RANBP2: variants seen among roughly 807,000 people sequenced by gnomAD.
The protein encoded by RANBP2 is RAN binding protein 2.
Under a neutral mutation model 303.6 loss-of-function variants are expected in RANBP2, and 57 were observed. The ratio of observed to expected loss-of-function variants is 0.19; its 90% CI spans 0.15 to 0.23. The LOEUF is 0.23. Among genes scored for constraint, RANBP2 ranks in the 10% least tolerant of loss-of-function variants. The pLI, the probability that RANBP2 is intolerant of heterozygous loss-of-function variation, is 1.00. For synonymous variants in RANBP2, 1,167 were observed against 1,301.5 expected (o/e 0.90, Z 2.23); for missense variants, 3,138 against 3,780.8 (o/e 0.83, Z 4.46).
the RANBP2 span, among the ~76,000 whole-genome samples, chr2:109,063,097 C>T: frequency 6.6e-6 from 1 of 152,204 alleles, no homozygotes; most frequent in East Asian, 1.9e-4. Flanking sequence ...CACCACCATG[C>T]CAACCTGAGA....
intron 7 of RANBP2, among the ~76,000 whole-genome samples, chr2:108,744,973 T>C (rs572362175): frequency 1.8e-3 from 269 of 152,226 alleles, no homozygotes; most frequent in African/African-American, 6.3e-3. Context: ...ATTAACTGTA[T>C]CTTGGAGATG....
chr2:108,726,819 G>A (rs1208859048), intron 1 of RANBP2, among the ~76,000 whole-genome samples: 2 of 151,992 alleles, frequency 1.3e-5, no homozygotes, highest in Non-Finnish European at 2.9e-5. Flanking sequence ...CTTGAGATTA[G>A]GGAGTGGTGA....
the RANBP2 span, among the ~76,000 whole-genome samples, chr2:108,833,726 CTTTTTTTTT>C: frequency 1.1e-5 from 1 of 91,042 alleles, no homozygotes; most frequent in South Asian, 3.6e-4. Flanking sequence ...GTGGAGTAAA[CTTTTTTTTT>C]TTTTTTTTTT....
chr2:109,405,467 T>A, the RANBP2 span, among the ~76,000 whole-genome samples: 3 of 152,098 alleles, frequency 2.0e-5, no homozygotes, highest in Non-Finnish European at 2.9e-5. Flanking sequence ...CACTGTCCAT[T>A]CCCGTGAGCC....
the RANBP2 span, among the ~76,000 whole-genome samples, chr2:109,118,864 G>T: frequency 6.6e-6 from 1 of 152,214 alleles, no homozygotes; most frequent in Non-Finnish European, 1.5e-5. Context: ...TAATAAACCA[G>T]ACTGTCATTT....
chr2:109,157,189 A>G, the RANBP2 span, among the ~76,000 whole-genome samples: 1 of 152,096 alleles, frequency 6.6e-6, no homozygotes, highest in Admixed American at 6.5e-5. Context: ...GGATCATAGT[A>G]TTGACTGGGG....
chr2:109,243,039 C>T, the RANBP2 span, among the ~76,000 whole-genome samples: 46 of 152,294 alleles, frequency 3.0e-4, no homozygotes, highest in Non-Finnish European at 5.9e-4. Flanking sequence ...TTTAGAGTGT[C>T]GTGATTTGTG....
At chr2:108,941,615 C>A in the RANBP2 span, among the ~76,000 whole-genome samples, 1 of 152,196 alleles carries the variant, frequency 6.6e-6, no homozygotes, top group Non-Finnish European at 1.5e-5. Flanking sequence ...AGAAGAAAAA[C>A]GATCTCCTTG....
chr2:109,051,381 C>A, the RANBP2 span, among the ~76,000 whole-genome samples: 1 of 152,276 alleles, frequency 6.6e-6, no homozygotes, highest in South Asian at 2.1e-4. Context: ...AACAGTTGAT[C>A]AAAATGTTTA....
the RANBP2 span, among the ~76,000 whole-genome samples, chr2:109,678,305 A>T: frequency 4.6e-5 from 7 of 152,262 alleles, no homozygotes; most frequent in African/African-American, 1.7e-4. Context: ...TTAGCAGGTT[A>T]ACCTGTGTAT....
the RANBP2 span, among the ~76,000 whole-genome samples, chr2:109,469,176 C>T: frequency 2.0e-4 from 31 of 152,310 alleles, no homozygotes; most frequent in Admixed American, 5.2e-4. Flanking sequence ...TTCCACAGCC[C>T]GTGCTTACAC....
the RANBP2 span, among the ~76,000 whole-genome samples, chr2:108,941,481 T>C: frequency 3.3e-5 from 5 of 152,102 alleles, no homozygotes; most frequent in African/African-American, 9.7e-5. Context: ...CCTGAGCTGT[T>C]CCCTTTGAGG....
At chr2:109,422,997 A>G in the RANBP2 span, among the ~76,000 whole-genome samples, 970 of 152,298 alleles carry the variant, frequency 6.4e-3, 13 homozygotes, top group African/African-American at 0.022. Flanking sequence ...ATCTGAGAGC[A>G]ACGGAACTCT....
At chr2:109,323,179 G>A in the RANBP2 span, among the ~76,000 whole-genome samples, 1 of 152,210 alleles carries the variant, frequency 6.6e-6, no homozygotes, top group Admixed American at 6.5e-5. Context: ...GGGAAGGGGA[G>A]GTGTGTATTT....
chr2:109,079,217 A>C, the RANBP2 span, among the ~76,000 whole-genome samples: 2 of 152,064 alleles, frequency 1.3e-5, no homozygotes, highest in Non-Finnish European at 2.9e-5. Flanking sequence ...AGGGTGATCC[A>C]CTTCCACTTA....
the RANBP2 span, among the ~76,000 whole-genome samples, chr2:109,422,482 A>G: frequency 6.6e-6 from 1 of 152,144 alleles, no homozygotes; most frequent in Non-Finnish European, 1.5e-5. Flanking sequence ...CCTGGCATGG[A>G]TTCCCTAAGG....
At chr2:109,614,947 G>T in the RANBP2 span, 14 of 1,520,924 alleles carry the variant, frequency 9.2e-6, no homozygotes, top group South Asian at 3.7e-5. Context: ...GCCGGGGCTC[G>T]CAGGAAGAAC....
chr2:108,729,294 C>T (rs1426565902), intron 2 of RANBP2, 95 bp downstream of exon 2: 19 of 1,297,334 alleles, frequency 1.5e-5, no homozygotes, highest in Middle Eastern at 2.8e-4. Context: ...CTTAGTAGTT[C>T]TTCCTAAGTG....
chr2:109,318,634 G>A, the RANBP2 span, among the ~76,000 whole-genome samples: 1 of 152,194 alleles, frequency 6.6e-6, no homozygotes, highest in South Asian at 2.1e-4. Context: ...GGCAGCATTT[G>A]TCTCTTGTCA....
Sources: gnomAD v4.1 joint callset for allele counts (sites outside exome capture counted in the v4.1 genomes callset) on GRCh38, gnomAD v4.1.1 for gene constraint, MANE v1.5 for transcripts, NCBI Gene and HGNC (gene_info 2026-07-23, HGNC 2026-07-21) for gene names.